Variants in TMEM74 observed in about 807,000 individuals in gnomAD.
TMEM74 encodes the protein transmembrane protein 74.
A neutral mutation model predicts 18.1 loss-of-function variants in TMEM74; 13 were observed. The observed-to-expected ratio is 0.72, with a 90% CI of 0.47 to 1.14. The LOEUF (loss-of-function observed/expected upper bound fraction) is 1.14. Among genes scored for constraint, TMEM74 ranks in the 50% most tolerant of loss-of-function variants. The pLI is 0.00. For missense variants in TMEM74, 372 were observed against 375.9 expected (o/e 0.99, Z 0.09); for synonymous variants, 159 against 146.6 (o/e 1.08, Z -0.61).
chr8:108,678,799 A>C (rs1408401761), intron 1 of TMEM74, among the ~76,000 whole-genome samples: 4 of 150,930 alleles, frequency 2.7e-5, no homozygotes, highest in African/African-American at 4.9e-5. Flanking sequence ...CACAATGTGC[A>C]GGTTTGTTAC....
chr8:108,760,074 T>TCA (rs1563544778), intron 1 of TMEM74, among the ~76,000 whole-genome samples: 4 of 150,848 alleles, frequency 2.7e-5, no homozygotes, highest in Admixed American at 2.0e-4. Flanking sequence ...TCAGGAGGCT[T>TCA]AGGTAAGAGA....
chr8:108,717,643 G>T (rs1053457021), intron 1 of TMEM74, among the ~76,000 whole-genome samples: 2 of 152,134 alleles, frequency 1.3e-5, no homozygotes, highest in African/African-American at 4.8e-5. Flanking sequence ...GATTAAGGTG[G>T]CTTTACTGGA....
chr8:108,779,109 T>A lies in TMEM74; in HGVS notation c.*5072A>T, dbSNP rs1052671594. The stretch of plus-strand genomic sequence containing the variant: ...ATAAAGCCTTTGAATAGTTTTATTT[T>A]AAAATGATATGACACACTTGCTATT... On this transcript the variant is annotated 3_prime_UTR_variant, in exon 2 of 2. Coordinates refer to ENST00000297459, the MANE Select transcript of TMEM74 (RefSeq NM_153015.3). Among the ~76,000 whole-genome samples the A allele has an allele frequency of 1.3e-5, 2 of 152,222 alleles. No homozygotes were observed. Among genetic ancestry groups the A allele is most frequent in the African/African-American group, 4.8e-5 (2 of 41,466 alleles).
At chr8:108,695,401 G>A (rs2130610646) in intron 1 of TMEM74, among the ~76,000 whole-genome samples, 2 of 152,316 alleles carry the variant, frequency 1.3e-5, no homozygotes, top group South Asian at 4.1e-4. Flanking sequence ...CCTATAGAGT[G>A]TGTGAGAAGT....
chr8:108,646,066 T>C (rs919303221), intron 2 of TMEM74, among the ~76,000 whole-genome samples: 1 of 151,912 alleles, frequency 6.6e-6, no homozygotes, highest in Non-Finnish European at 1.5e-5. Flanking sequence ...CCACTTGATA[T>C]ATATTGTTCA....
At chr8:108,785,771 C>T (rs1814377442) in intron 1 of TMEM74, among the ~76,000 whole-genome samples, 1 of 152,184 alleles carries the variant, frequency 6.6e-6, no homozygotes, top group Non-Finnish European at 1.5e-5. Flanking sequence ...GCTTACACCT[C>T]ATACATCCAA....
rs941531165 is a variant in TMEM74 at position 108,781,256 on chromosome 8, G to A, written c.*2925C>T. Among the ~76,000 whole-genome samples, 13 of 152,140 alleles carry A rather than the reference G, an allele frequency of 8.5e-5. No individual in the cohort carries two copies. The highest frequency in any genetic ancestry group is 7.9e-4 in the Admixed American group (12 of 15,274). Reference sequence around the variant, plus strand: ...CCAGCACCATATTGAAGAGACAGACGGAAGGTCACAAATCTCCATGAAGGA... The same window carrying A: ...CCAGCACCATATTGAAGAGACAGACAGAAGGTCACAAATCTCCATGAAGGA... On this transcript the variant is annotated 3_prime_UTR_variant, in exon 2 of 2. Transcript: ENST00000297459.
In TMEM74 at chr8:108,615,819, C is replaced by CTTTT. The variant is rs71564011; in HGVS notation, n.265-6997_265-6994dup. Among the ~76,000 whole-genome samples, 29 of 76,450 alleles carry CTTTT rather than the reference C, an allele frequency of 3.8e-4. 2 individuals carry two copies. The highest frequency in any genetic ancestry group is 5.4e-4 in the African/African-American group (10 of 18,592). 50.2% of individuals were successfully genotyped at this position (76,450 alleles called of 152,430 possible). A position where few individuals can be genotyped will look rare whatever the true frequency, so the allele number is the denominator to read the frequency against. ...TGCAATGATTGGGATTGCATGGGAGCTTTTTTTTTTTTTTTTTTTTTTTGG... is the reference window on the plus strand; with the variant it reads ...TGCAATGATTGGGATTGCATGGGAGCTTTTTTTTTTTTTTTTTTTTTTTTTTTGG... On this transcript the variant is annotated intron_variant and non_coding_transcript_variant, in intron 2 of 3. Coordinates refer to the TMEM74 transcript ENST00000518838.
intron 2 of TMEM74, among the ~76,000 whole-genome samples, chr8:108,628,114 T>A (rs780571453): frequency 6.6e-6 from 1 of 151,986 alleles, no homozygotes; most frequent in Non-Finnish European, 1.5e-5. Flanking sequence ...AGACTCAGAA[T>A]GGCTTGCAGT....
intron 1 of TMEM74, among the ~76,000 whole-genome samples, chr8:108,712,940 G>A (rs1385571281): frequency 1.3e-5 from 2 of 152,098 alleles, no homozygotes; most frequent in Non-Finnish European, 2.9e-5. Context: ...AAGAGCTCTG[G>A]TAACAGTGCA....
At position 108,680,402 on chromosome 8, in the gene TMEM74, C is replaced by G. The variant is rs539618380; in HGVS notation, n.120-24965G>C. Among the ~76,000 whole-genome samples, 1,119 of 152,234 alleles carry G rather than the reference C, an allele frequency of 7.4e-3. 16 individuals carry two copies. The highest frequency in any genetic ancestry group is 0.026 in the African/African-American group (1,061 of 41,530). On this transcript the variant is annotated intron_variant and non_coding_transcript_variant, in intron 1 of 3. Transcript: ENST00000518838. ...AATGTAATCCAGCATATAAACAGAA[C>G]CAAAGACAAAAACCACATGATTATC... is the stretch of plus-strand genomic sequence containing the variant.
At position 108,784,437 on chromosome 8, in the gene TMEM74, C is replaced by T. The variant is rs1346847088; in HGVS notation, c.662G>A (p.Ser221Asn). The T allele has an allele frequency of 5.0e-6, 8 of 1,614,194 alleles. No individual in the cohort carries two copies. The highest frequency in any genetic ancestry group is 2.2e-5 in the East Asian group (1 of 44,878). Residue 221 changes from serine to asparagine, a missense_variant, in exon 2 of 2, where the codon AGT becomes AAT. Physicochemically the swap from Ser to Asn is conservative, Grantham distance 46 (BLOSUM62 1). Transcript: ENST00000297459. The stretch of plus-strand genomic sequence containing the variant: ...GTCCAGGTGAGCCCCCAGCCTCGCA[C>T]TCTCCTTCTCCAGGCGCTCCATCTC... The part of the protein sequence containing the change: ...AREMERLEKE[S>N]ARLGAHLDRC...
intron 1 of TMEM74, among the ~76,000 whole-genome samples, chr8:108,715,068 G>A (rs1426020125): frequency 6.6e-6 from 1 of 151,968 alleles, no homozygotes; most frequent in Non-Finnish European, 1.5e-5. Flanking sequence ...AAGCTACAGA[G>A]CTGTATAAAA....
At chr8:108,734,174 A>C (rs1298321876) in intron 1 of TMEM74, among the ~76,000 whole-genome samples, 1 of 152,108 alleles carries the variant, frequency 6.6e-6, no homozygotes, top group East Asian at 1.9e-4. Flanking sequence ...AGGCAGAGGA[A>C]AGATGAATTC....
At chr8:108,756,972 T>G (rs1813982840) in intron 1 of TMEM74, among the ~76,000 whole-genome samples, 2 of 152,136 alleles carry the variant, frequency 1.3e-5, no homozygotes, top group Admixed American at 6.6e-5. Flanking sequence ...CTTCTGATGT[T>G]GTGGTGCCAA....
chr8:108,767,843 T>A (rs1028186469), intron 1 of TMEM74, among the ~76,000 whole-genome samples: 7 of 152,158 alleles, frequency 4.6e-5, no homozygotes, highest in Non-Finnish European at 1.0e-4. Context: ...TTGAAACAGA[T>A]GAGGTATAAA....
At chr8:108,708,014 G>A (rs1283044063) in intron 1 of TMEM74, among the ~76,000 whole-genome samples, 8 of 152,000 alleles carry the variant, frequency 5.3e-5, no homozygotes, top group Admixed American at 2.0e-4. Flanking sequence ...TAGTTTTTCC[G>A]TTCTCGCCCT....
At chr8:108,756,627 G>A (rs58251544) in intron 1 of TMEM74, among the ~76,000 whole-genome samples, 64 of 81,286 alleles carry the variant, frequency 7.9e-4, no homozygotes, top group African/African-American at 3.1e-3. Context: ...AGGAAGGAAG[G>A]AAGGAAGGAA....
At chr8:108,668,037 A>G (rs1475823351) in intron 1 of TMEM74, among the ~76,000 whole-genome samples, 3 of 152,192 alleles carry the variant, frequency 2.0e-5, no homozygotes, top group Admixed American at 2.0e-4. Flanking sequence ...TCCCTGACTT[A>G]AAGCAAAAAT....
Sources: allele counts gnomAD v4.1 joint callset (sites outside exome capture counted in the v4.1 genomes callset), GRCh38; gene constraint gnomAD v4.1.1; transcripts MANE v1.5; gene names NCBI Gene and HGNC (gene_info 2026-07-23, HGNC 2026-07-21).